COL12A1: variants seen among roughly 807,000 people sequenced by gnomAD.
COL12A1 encodes collagen type XII alpha 1 chain.
In COL12A1, 114 loss-of-function variants were observed where a neutral mutation model predicts 349.7. The ratio of observed to expected loss-of-function variants is 0.33; its 90% CI spans 0.28 to 0.38. COL12A1 has a LOEUF of 0.38. Among genes scored for constraint, COL12A1 ranks in the 10% least tolerant of loss-of-function variants. The probability of loss-of-function intolerance (pLI) is 1.00; values close to 1 mark genes in which losing one functional copy is unlikely to be tolerated. For synonymous variants in COL12A1, 1,369 were observed against 1,329.0 expected (o/e 1.03, Z -0.66); for missense variants, 3,284 against 3,756.9 (o/e 0.87, Z 3.29).
At chr6:75,194,177 A>T (rs1770101945) in intron 3 of COL12A1, among the ~76,000 whole-genome samples, 1 of 152,222 alleles carries the variant, frequency 6.6e-6, no homozygotes. Context: ...TGGTTGAACT[A>T]GTTTACAGTC....
intron 54 of COL12A1, among the ~76,000 whole-genome samples, chr6:75,104,849 C>A (rs1768470260): frequency 6.6e-6 from 1 of 152,182 alleles, no homozygotes; most frequent in Non-Finnish European, 1.5e-5. Flanking sequence ...AGCCTCTCAG[C>A]TGTGGCTTTA....
At chr6:75,187,623 A>G (rs562955095) in intron 8 of COL12A1, among the ~76,000 whole-genome samples, 3 of 152,266 alleles carry the variant, frequency 2.0e-5, no homozygotes, top group African/African-American at 7.2e-5. Flanking sequence ...GGGCCAATGA[A>G]CATTTTGACA....
At position 75,152,315 on chromosome 6, in the gene COL12A1, A is replaced by G. The variant is rs556557278; in HGVS notation, c.3715+18T>C. ...AAGATAAAAATGTCTAAATGGCTCCAATGTTGTCAGAACCTACCAATTTGT... is the reference window on the plus strand; with the variant it reads ...AAGATAAAAATGTCTAAATGGCTCCGATGTTGTCAGAACCTACCAATTTGT... On this transcript the variant is annotated intron_variant, in intron 18 of 65. Coordinates refer to ENST00000322507, the MANE Select transcript of COL12A1 (RefSeq NM_004370.6). The G allele has an allele frequency of 3.1e-6, 5 of 1,613,546 alleles. No individual in the cohort carries two copies. Among genetic ancestry groups the G allele is most frequent in the Middle Eastern group, 1.7e-4 (1 of 6,054 alleles).
At chr6:75,147,942 T>TG in intron 22 of COL12A1, 138 bp from the exon 23 acceptor site, 1 of 942,864 alleles carries the variant, frequency 1.1e-6, no homozygotes, top group Non-Finnish European at 1.5e-6. Flanking sequence ...ATTTGGAAAC[T>TG]ATCAGATTAC....
intron 2 of COL12A1, among the ~76,000 whole-genome samples, chr6:75,196,137 G>A (rs1349947701): frequency 6.6e-6 from 1 of 152,158 alleles, no homozygotes; most frequent in Non-Finnish European, 1.5e-5. Flanking sequence ...TCATCATGCA[G>A]CATTGTACTG....
intron 59 of COL12A1, among the ~76,000 whole-genome samples, chr6:75,095,726 G>A (rs1012350664): frequency 1.3e-5 from 2 of 151,284 alleles, no homozygotes; most frequent in Non-Finnish European, 2.9e-5. Flanking sequence ...AATATATTTT[G>A]AGACCAGTTG....
rs1345884522 is a variant in COL12A1 at position 75,145,447 on chromosome 6, C to T, written c.4569G>A (p.Leu1523=). ...TEPTRPKEVR[L]GPTVNDMQLT... ...GCTGCATGTCATTCACTGTTGGCCC[C>T]AAACGCACCTGCACATGGATATGTG... Residue 1523 remains leucine (L), a synonymous_variant, in exon 25 of 66, where the codon TTG becomes TTA. Transcript: ENST00000322507. 1 of 1,613,608 alleles carries T rather than the reference C, an allele frequency of 6.2e-7. No individual in the cohort carries two copies. Among genetic ancestry groups the T allele is most frequent in the South Asian group, 1.1e-5 (1 of 91,020 alleles).
rs1187679147 is a variant in COL12A1, at chr6:75,175,048, T to C, written c.2700A>G (p.Thr900=). ...TATGATGGTAATTACCTTCAAGTGTTGTTCCTTCACCAAAGAGGGCGTCTC... is the reference window on the plus strand; with the variant it reads ...TATGATGGTAATTACCTTCAAGTGTCGTTCCTTCACCAAAGAGGGCGTCTC... ...GAGDALFGEG[T]TLEERGSPQD... The change falls in exon 13 of 66, where the codon ACA becomes ACG. Residue 900 remains threonine (T), a synonymous_variant. Transcript: ENST00000322507. 6.2e-7 allele frequency: 1 copy of C among 1,614,058 alleles called. No homozygotes were observed. The highest frequency in any genetic ancestry group is 1.7e-5 in the Admixed American group (1 of 60,016).
At chr6:75,183,692 T>G (rs762203155) in intron 9 of COL12A1, 40 bp from the exon 10 acceptor site, 59 of 1,554,800 alleles carry the variant, frequency 3.8e-5, no homozygotes, top group Non-Finnish European at 4.9e-5. Flanking sequence ...TCAATACATA[T>G]TAATCATTAA....
At chr6:75,100,878 G>A (rs626497) in intron 58 of COL12A1, among the ~76,000 whole-genome samples, 128,016 of 152,218 alleles carry the variant, frequency 0.84, 54,050 homozygotes, top group Non-Finnish European at 0.88. Flanking sequence ...TAAGATGCTG[G>A]AAAGTCATTA....
intron 58 of COL12A1, among the ~76,000 whole-genome samples, chr6:75,100,005 C>T (rs1000946362): frequency 6.6e-6 from 1 of 152,144 alleles, no homozygotes; most frequent in East Asian, 1.9e-4. Flanking sequence ...ATTGTTGATA[C>T]CCCACCAGCT....
intron 38 of COL12A1, among the ~76,000 whole-genome samples, chr6:75,126,840 T>C (rs1487066669): frequency 6.6e-6 from 1 of 152,110 alleles, no homozygotes; most frequent in Admixed American, 6.6e-5. Flanking sequence ...AGAAACTATC[T>C]AGTCCAACCA....
Position 75,090,432 on chromosome 6 carries a change from A to T in COL12A1, c.8753-134T>A. ...CCTCTAAGGAAACAATCTAATTAGA[A>T]TCCTAAAAATAAAATTAAGACAGTC... On this transcript the variant is annotated intron_variant, in intron 62 of 65. Transcript: ENST00000322507. The surrounding 1 kb of genome is among the most constrained non-coding windows in gnomAD (Gnocchi z 4.1). The T allele has an allele frequency of 1.2e-6, 1 of 833,946 alleles. No individual in the cohort carries two copies. The highest frequency in any genetic ancestry group is 1.8e-6 in the Non-Finnish European group (1 of 548,788). 51.7% of individuals were successfully genotyped at this position (833,946 alleles called of 1,614,324 possible).
At chr6:75,147,912 A>T in intron 22 of COL12A1, 108 bp from the exon 23 acceptor site, 1 of 1,170,894 alleles carries the variant, frequency 8.5e-7, no homozygotes, top group Non-Finnish European at 1.2e-6. Context: ...CTATATTTCA[A>T]TTAGGCCATT....
At chr6:75,137,949 G>A (rs950840196) in intron 30 of COL12A1, among the ~76,000 whole-genome samples, 2 of 152,060 alleles carry the variant, frequency 1.3e-5, no homozygotes, top group Admixed American at 6.5e-5. Context: ...GTGAGAGAGT[G>A]AGAAAATGAG....
In COL12A1 at chr6:75,089,095, A is replaced by T; in HGVS notation, c.9010+11T>A. On this transcript the variant is annotated intron_variant, in intron 64 of 65. Transcript: ENST00000322507. ...ATAGTCTTTGCCTGTTTAAAATACT[A>T]GCAAACCTACCTGGGGGGCCAGGCA... The T allele has an allele frequency of 6.2e-7, 1 of 1,604,050 alleles. No individual in the cohort carries two copies. Among genetic ancestry groups the T allele is most frequent in the Non-Finnish European group, 8.5e-7 (1 of 1,173,418 alleles).
At position 75,147,791 on chromosome 6, in the gene COL12A1, C is replaced by T. The variant is rs779064060; in HGVS notation, c.4301G>A (p.Arg1434Gln). The change falls in exon 23 of 66, where the codon CGA becomes CAA. Residue 1434 changes from arginine to glutamine, a missense_variant. Coordinates refer to ENST00000322507, the MANE Select transcript of COL12A1 (RefSeq NM_004370.6). ...TTTCAGCACTGTGCTAGTTTCCATT[C>T]GACTCACATAAAACTAGGGGGAAAA... ...GGKRQEFYVS[R>Q]METSTVLKDL... The T allele has an allele frequency of 2.2e-5, 35 of 1,612,186 alleles. No individual in the cohort carries two copies. Among genetic ancestry groups the T allele is most frequent in the African/African-American group, 2.7e-5 (2 of 74,756 alleles).
chr6:75,194,040 G>A lies in COL12A1; in HGVS notation c.190+791C>T, dbSNP rs1024093385. On this transcript the variant is annotated intron_variant, in intron 3 of 65. Transcript: ENST00000322507. ...TGAATAAGTGCCACAATGAACATACGTGTGCATGTGTCTTTATAGCAGCAT... is the reference window on the plus strand; with the variant it reads ...TGAATAAGTGCCACAATGAACATACATGTGCATGTGTCTTTATAGCAGCAT... Among the ~76,000 whole-genome samples, 10 of 152,118 alleles carry A rather than the reference G, an allele frequency of 6.6e-5. No homozygotes were observed. The South Asian group carries it at 1.0e-3, about 16-fold the overall frequency.
intron 33 of COL12A1, 72 bp from the exon 34 acceptor site, chr6:75,133,494 A>G (rs1766418283): frequency 6.9e-7 from 1 of 1,455,330 alleles, no homozygotes; most frequent in African/African-American, 1.4e-5. Context: ...CAAATAACAC[A>G]ATACCAACTC....
Sources: allele counts gnomAD v4.1 joint callset (sites outside exome capture counted in the v4.1 genomes callset), GRCh38; gene constraint gnomAD v4.1.1; non-coding constraint Gnocchi (gnomAD v3.1); transcripts MANE v1.5; gene names NCBI Gene and HGNC (gene_info 2026-07-23, HGNC 2026-07-21).